The following CDH18 variants were observed in gnomAD, a reference collection of about 807,000 sequenced individuals.
CDH18 encodes cadherin 18.
In CDH18, 31 loss-of-function variants were observed where a neutral mutation model predicts 67.9. The ratio of observed to expected loss-of-function variants is 0.46; its 90% CI spans 0.34 to 0.62. The LOEUF (loss-of-function observed/expected upper bound fraction) is 0.62, where lower values mean the gene tolerates loss of function less well. Ranked by LOEUF, CDH18 falls within the 20% of genes least tolerant of loss-of-function variation. CDH18 has a pLI of 0.01. For synonymous variants in CDH18, 362 were observed against 347.2 expected, an observed-to-expected ratio of 1.04 and a Z score of -0.48; for missense variants, 890 against 975.5, an observed-to-expected ratio of 0.91 and a Z score of 1.17.
At chr5:20,019,368 AATAGCAT>A (rs1222696067) in intron 2 of CDH18, among the ~76,000 whole-genome samples, 1 of 152,186 alleles carries the variant, frequency 6.6e-6, no homozygotes, top group Non-Finnish European at 1.5e-5. Context: ...GTCATTATAA[AATAGCAT>A]ATTGATATGG....
chr5:20,029,629 C>G (rs2892443), intron 2 of CDH18, among the ~76,000 whole-genome samples: 129,276 of 152,234 alleles, frequency 0.85, 56,749 homozygotes, highest in Non-Finnish European at 0.96. Context: ...AATGATTAAT[C>G]GCTAATTTTT....
rs78274053 is a variant in CDH18 at position 19,942,524 on chromosome 5, C to A, written c.-257+38536G>T. 9.6e-3 allele frequency among the ~76,000 whole-genome samples: 1,458 copies of A among 152,250 alleles called. 25 individuals carry two copies. The highest frequency in any genetic ancestry group is 0.033 in the African/African-American group (1,384 of 41,552). ...TACCACGGAAAATATGTCCATTCTA[C>A]AAATCCCTGGAGGGTAACTTTGATC... On this transcript the variant is annotated intron_variant, in intron 2 of 12. Coordinates refer to ENST00000382275, the MANE Select transcript of CDH18 (RefSeq NM_004934.5).
chr5:19,628,278 T>C (rs1459480416), intron 5 of CDH18, among the ~76,000 whole-genome samples: 1 of 152,170 alleles, frequency 6.6e-6, no homozygotes, highest in Non-Finnish European at 1.5e-5. Context: ...CGTGAAACTG[T>C]GAGTCCATTA....
chr5:19,575,731 A>G (rs551945465), intron 7 of CDH18, among the ~76,000 whole-genome samples: 46 of 152,174 alleles, frequency 3.0e-4, no homozygotes, highest in Non-Finnish European at 4.3e-4. Context: ...TTGGGTTGTA[A>G]CAACAGAAAT....
intron 10 of CDH18, among the ~76,000 whole-genome samples, chr5:19,512,978 A>AT (rs1484250164): frequency 6.6e-6 from 1 of 151,948 alleles, no homozygotes; most frequent in Non-Finnish European, 1.5e-5. Context: ...TACTGTCATG[A>AT]TTTTTCTTAA....
At chr5:20,381,147 C>T (rs920497638) in intron 1 of CDH18, among the ~76,000 whole-genome samples, 5 of 151,986 alleles carry the variant, frequency 3.3e-5, no homozygotes, top group Admixed American at 1.3e-4. Flanking sequence ...TCCATTTGCC[C>T]GCCAAGTAGA....
intron 2 of CDH18, among the ~76,000 whole-genome samples, chr5:19,867,798 T>C (rs1024193797): frequency 6.6e-6 from 1 of 152,260 alleles, no homozygotes; most frequent in African/African-American, 2.4e-5. Context: ...ATGTGACCTA[T>C]TGATATGGTT....
chr5:20,403,698 T>C (rs1478034870), intron 1 of CDH18, among the ~76,000 whole-genome samples: 2 of 152,198 alleles, frequency 1.3e-5, no homozygotes. Flanking sequence ...GTTCCATTTA[T>C]AGAACACAGG....
chr5:20,250,385 C>A (rs561597390), intron 2 of CDH18, among the ~76,000 whole-genome samples: 3 of 151,944 alleles, frequency 2.0e-5, no homozygotes, highest in African/African-American at 7.2e-5. Context: ...CTCCGCCTCC[C>A]GGATTCAATC....
chr5:19,544,844 G>A (rs1035379651), intron 8 of CDH18, among the ~76,000 whole-genome samples: 13 of 152,218 alleles, frequency 8.5e-5, no homozygotes, highest in Admixed American at 2.0e-4. Context: ...CCAACCTAGC[G>A]TAGATCAATC....
chr5:20,171,382 T>C (rs536279233), intron 2 of CDH18, among the ~76,000 whole-genome samples: 5 of 152,234 alleles, frequency 3.3e-5, no homozygotes, highest in African/African-American at 9.6e-5. Flanking sequence ...GCATCTATTA[T>C]TTTTCAACTT....
chr5:20,168,354 T>C (rs180988631), intron 2 of CDH18, among the ~76,000 whole-genome samples: 2 of 152,262 alleles, frequency 1.3e-5, no homozygotes, highest in Admixed American at 1.3e-4. Context: ...ATTACATTAA[T>C]AACTTAAGCA....
At chr5:19,834,183 G>A (rs1781366350) in intron 3 of CDH18, among the ~76,000 whole-genome samples, 1 of 147,948 alleles carries the variant, frequency 6.8e-6, no homozygotes, top group Non-Finnish European at 1.5e-5. Flanking sequence ...TAGGCTATTA[G>A]TTACTGACTC....
chr5:20,084,326 C>T (rs1744754200), intron 2 of CDH18, among the ~76,000 whole-genome samples: 1 of 152,236 alleles, frequency 6.6e-6, no homozygotes, highest in Non-Finnish European at 1.5e-5. Flanking sequence ...CCAGGTCATG[C>T]TGATGCAAGA....
intron 1 of CDH18, among the ~76,000 whole-genome samples, chr5:20,395,898 G>A (rs954381578): frequency 2.6e-5 from 4 of 152,124 alleles, no homozygotes; most frequent in African/African-American, 9.7e-5. Context: ...AGGATGTGGA[G>A]GCTCCTGGAG....
At chr5:20,530,944 A>C (rs2126553220) in intron 1 of CDH18, among the ~76,000 whole-genome samples, 1 of 152,228 alleles carries the variant, frequency 6.6e-6, no homozygotes, top group South Asian at 2.1e-4. Context: ...ATTAGAGTGA[A>C]CAGACAACCT....
chr5:19,724,649 T>G (rs993637598), intron 4 of CDH18, among the ~76,000 whole-genome samples: 3 of 151,782 alleles, frequency 2.0e-5, no homozygotes, highest in African/African-American at 7.3e-5. Context: ...GTTACCATTG[T>G]GAAAAAAAAA....
chr5:20,447,498 A>C lies in CDH18; in HGVS notation c.-580+127964T>G, dbSNP rs147014354. ...ATTCAGCAAGAAGTTGTCATCTTGGAAGCAGAGACCAATTCTCACTAGCCA... is the reference window on the plus strand; with the variant it reads ...ATTCAGCAAGAAGTTGTCATCTTGGCAGCAGAGACCAATTCTCACTAGCCA... On this transcript the variant is annotated intron_variant, in intron 1 of 14. Transcript: ENST00000507958. Among the ~76,000 whole-genome samples, 855 of 152,284 alleles carry C rather than the reference A, an allele frequency of 5.6e-3. 3 individuals are homozygous for C. The highest frequency in any genetic ancestry group is 9.7e-3 in the Non-Finnish European group (661 of 68,014).
chr5:20,116,604 CA>C (rs1385278365), intron 2 of CDH18, among the ~76,000 whole-genome samples: 1 of 151,972 alleles, frequency 6.6e-6, no homozygotes, highest in Non-Finnish European at 1.5e-5. Context: ...TTATTAACAG[CA>C]AATTAACCAC....
Sources: allele counts gnomAD v4.1 joint callset (sites outside exome capture counted in the v4.1 genomes callset), GRCh38; gene constraint gnomAD v4.1.1; transcripts MANE v1.5; gene names NCBI Gene and HGNC (gene_info 2026-07-23, HGNC 2026-07-21).